The following SLC35D4 variants were observed in gnomAD, a reference collection of about 807,000 sequenced individuals.
SLC35D4 encodes UDP-N-acetylglucosamine transporter SLC35D4.
chr18:23,373,854 T>G, the SLC35D4 span: 2 of 1,420,878 alleles, frequency 1.4e-6, no homozygotes, highest in African/African-American at 2.9e-5. Context: ...TCCTCTGGAG[T>G]TGGATGAGGC....
chr18:23,422,002 C>T, the SLC35D4 span, among the ~76,000 whole-genome samples: 51 of 152,114 alleles, frequency 3.4e-4, no homozygotes, highest in Non-Finnish European at 6.8e-4. Context: ...CTAGACTTTT[C>T]CTGAACAGCC....
chr18:23,400,935 ATACT>A, the SLC35D4 span, among the ~76,000 whole-genome samples: 1 of 152,218 alleles, frequency 6.6e-6, no homozygotes, highest in Non-Finnish European at 1.5e-5. Flanking sequence ...CATTGTGCAA[ATACT>A]TACAGCAACT....
At chr18:23,372,466 C>G in the SLC35D4 span, among the ~76,000 whole-genome samples, 1 of 152,218 alleles carries the variant, frequency 6.6e-6, no homozygotes, top group African/African-American at 2.4e-5. Flanking sequence ...GCTCTAGCAT[C>G]AGAGAGATCT....
chr18:23,312,739 A>C, the SLC35D4 span, among the ~76,000 whole-genome samples: 2 of 152,122 alleles, frequency 1.3e-5, no homozygotes, highest in African/African-American at 2.4e-5. Context: ...CCCTCTCTGC[A>C]TTGTGAACTC....
At chr18:23,242,534 G>GT in the SLC35D4 span, among the ~76,000 whole-genome samples, 1 of 152,186 alleles carries the variant, frequency 6.6e-6, no homozygotes, top group Non-Finnish European at 1.5e-5. Context: ...TCGGTAGTGG[G>GT]TTTTTGTGTT....
the SLC35D4 span, among the ~76,000 whole-genome samples, chr18:23,344,809 C>T: frequency 8.5e-5 from 13 of 152,104 alleles, no homozygotes; most frequent in South Asian, 6.2e-4. Context: ...ACCATGTTAG[C>T]CAGGATGGTC....
At chr18:23,344,119 T>C in the SLC35D4 span, among the ~76,000 whole-genome samples, 1 of 152,164 alleles carries the variant, frequency 6.6e-6, no homozygotes, top group Non-Finnish European at 1.5e-5. Context: ...TGACCTCAGG[T>C]GATCCACCTG....
chr18:23,291,219 C>A, the SLC35D4 span, among the ~76,000 whole-genome samples: 1 of 152,118 alleles, frequency 6.6e-6, no homozygotes, highest in Non-Finnish European at 1.5e-5. Flanking sequence ...GAACAGTGCT[C>A]CTAGAATAAG....
At chr18:23,319,108 T>A in the SLC35D4 span, among the ~76,000 whole-genome samples, 9 of 151,776 alleles carry the variant, frequency 5.9e-5, no homozygotes, top group Non-Finnish European at 1.0e-4. Flanking sequence ...CCTCCCAGAG[T>A]GCTGGGATTA....
At chr18:23,372,040 A>G in the SLC35D4 span, among the ~76,000 whole-genome samples, 1 of 133,168 alleles carries the variant, frequency 7.5e-6, no homozygotes, top group Non-Finnish European at 1.6e-5. Context: ...GGTTCACGCC[A>G]TTCTCCTGCC....
chr18:23,284,266 A>G, the SLC35D4 span, among the ~76,000 whole-genome samples: 1 of 152,094 alleles, frequency 6.6e-6, no homozygotes, highest in Non-Finnish European at 1.5e-5. Flanking sequence ...GCCTCCTGGG[A>G]ATGTACCCAG....
chr18:23,377,629 G>T, the SLC35D4 span: 6 of 1,573,370 alleles, frequency 3.8e-6, no homozygotes, highest in Non-Finnish European at 5.1e-6. Context: ...TTTTTGGGGG[G>T]AGGGCAGTAA....
the SLC35D4 span, among the ~76,000 whole-genome samples, chr18:23,349,903 A>G: frequency 2.0e-5 from 3 of 152,110 alleles, no homozygotes; most frequent in Non-Finnish European, 4.4e-5. Context: ...CTTTGCTTCA[A>G]TTCTTTAAAC....
At chr18:23,335,482 G>A in the SLC35D4 span, among the ~76,000 whole-genome samples, 3 of 152,124 alleles carry the variant, frequency 2.0e-5, no homozygotes. Context: ...ACTACCCTAT[G>A]TTCAGCCACA....
the SLC35D4 span, among the ~76,000 whole-genome samples, chr18:23,278,900 G>C: frequency 6.6e-6 from 1 of 151,692 alleles, no homozygotes; most frequent in African/African-American, 2.4e-5. Context: ...TGTGGTAACA[G>C]CTACTCAGAG....
chr18:23,427,422 T>G, the SLC35D4 span, among the ~76,000 whole-genome samples: 1 of 152,150 alleles, frequency 6.6e-6, no homozygotes, highest in African/African-American at 2.4e-5. Context: ...GAAAAAATGC[T>G]CATCATCACT....
At chr18:23,403,295 A>C in the SLC35D4 span, among the ~76,000 whole-genome samples, 1 of 152,228 alleles carries the variant, frequency 6.6e-6, no homozygotes, top group Non-Finnish European at 1.5e-5. Context: ...AAATGAAAAC[A>C]CTACATTGAT....
At chr18:23,356,102 A>C in the SLC35D4 span, among the ~76,000 whole-genome samples, 1 of 152,182 alleles carries the variant, frequency 6.6e-6, no homozygotes, top group Non-Finnish European at 1.5e-5. This position sits in a 1 kb window ranked among gnomAD's most constrained non-coding sequence, Gnocchi z 4.1. Flanking sequence ...GGTTGTCTAG[A>C]CATCTCCTAG....
chr18:23,421,011 A>G, the SLC35D4 span, among the ~76,000 whole-genome samples: 3 of 152,204 alleles, frequency 2.0e-5, 1 homozygote, highest in South Asian at 6.2e-4. Flanking sequence ...TGGGAGGTCA[A>G]GGCAGGTGGA....
Sources: gnomAD v4.1 joint callset for allele counts (sites outside exome capture counted in the v4.1 genomes callset) on GRCh38, gnomAD v4.1.1 for gene constraint, Gnocchi (gnomAD v3.1) non-coding constraint, MANE v1.5 for transcripts, NCBI Gene and HGNC (gene_info 2026-07-23, HGNC 2026-07-21) for gene names.